The following MAGI2 variants were observed in gnomAD, a reference collection of about 807,000 sequenced individuals.
The protein encoded by MAGI2 is membrane associated guanylate kinase, WW and PDZ domain containing 2.
In MAGI2, 35 loss-of-function variants were observed where a neutral mutation model predicts 133.3. The observed-to-expected ratio is 0.26, with a 90% CI of 0.20 to 0.35. MAGI2 has a LOEUF of 0.35. Among genes scored for constraint, MAGI2 ranks in the 10% least tolerant of loss-of-function variants. The pLI, the probability that MAGI2 is intolerant of heterozygous loss-of-function variation, is 1.00. For synonymous variants in MAGI2, 729 were observed against 710.6 expected (o/e 1.03, Z -0.41); for missense variants, 1,636 against 1,863.4 (o/e 0.88, Z 2.25).
intron 5 of MAGI2, among the ~76,000 whole-genome samples, chr7:78,492,463 C>A (rs1381640076): frequency 6.6e-6 from 1 of 152,070 alleles, no homozygotes; most frequent in Non-Finnish European, 1.5e-5. Flanking sequence ...TTTGCATGCT[C>A]CTCCAAGATT....
chr7:78,608,288 C>G (rs1476203139), intron 3 of MAGI2, among the ~76,000 whole-genome samples: 2 of 152,134 alleles, frequency 1.3e-5, no homozygotes, highest in African/African-American at 4.8e-5. Flanking sequence ...TCCCCATTCA[C>G]ACTCTTCTAC....
At chr7:79,399,817 A>T (rs1426335389) in intron 1 of MAGI2, among the ~76,000 whole-genome samples, 2 of 152,186 alleles carry the variant, frequency 1.3e-5, no homozygotes, top group African/African-American at 2.4e-5. Flanking sequence ...CCTTAAAAAG[A>T]TCCTAGGTAA....
intron 3 of MAGI2, among the ~76,000 whole-genome samples, chr7:78,522,534 C>T (rs1210018144): frequency 1.3e-5 from 2 of 152,008 alleles, no homozygotes; most frequent in African/African-American, 2.4e-5. Context: ...CGTGCGCCAC[C>T]AGTTCTGGCT....
intron 9 of MAGI2, among the ~76,000 whole-genome samples, chr7:78,335,882 G>A (rs1789711942): frequency 6.6e-6 from 1 of 152,180 alleles, no homozygotes; most frequent in Non-Finnish European, 1.5e-5. Context: ...CAAAAACTAT[G>A]CAAATTTCAC....
chr7:78,903,278 C>G (rs929087111), intron 2 of MAGI2, among the ~76,000 whole-genome samples: 20 of 142,016 alleles, frequency 1.4e-4, no homozygotes, highest in Non-Finnish European at 2.6e-4. Flanking sequence ...ACCGCAAGCT[C>G]CGCCTCCCGG....
chr7:78,709,640 G>C (rs1356652111), intron 2 of MAGI2, among the ~76,000 whole-genome samples: 2 of 152,182 alleles, frequency 1.3e-5, no homozygotes, highest in African/African-American at 2.4e-5. Flanking sequence ...AGTCCTCAAT[G>C]AGTTTCTTAG....
At chr7:79,144,096 T>C (rs555921438) in intron 1 of MAGI2, among the ~76,000 whole-genome samples, 2 of 152,360 alleles carry the variant, frequency 1.3e-5, no homozygotes, top group South Asian at 4.1e-4. Flanking sequence ...ACAATCATTG[T>C]ACTTACCTCA....
chr7:79,032,519 G>GAAAAAAAA (rs34049134), intron 1 of MAGI2, among the ~76,000 whole-genome samples: 2 of 118,214 alleles, frequency 1.7e-5, no homozygotes, highest in Non-Finnish European at 1.8e-5. Context: ...CTCTGACTCA[G>GAAAAAAAA]AAAAAAAAAA....
chr7:79,162,311 A>T (rs551802957), intron 1 of MAGI2, among the ~76,000 whole-genome samples: 13 of 152,182 alleles, frequency 8.5e-5, no homozygotes, highest in African/African-American at 2.9e-4. Flanking sequence ...AACCAAAATC[A>T]TGGTGTTCTG....
intron 2 of MAGI2, among the ~76,000 whole-genome samples, chr7:78,969,976 TGCATAGCCTGGAATTGGTA>T (rs375351688): frequency 0.023 from 3,559 of 152,126 alleles, 54 homozygotes; most frequent in Middle Eastern, 0.034. Context: ...TGCCCAAGGT[TGCATAGCCTGGAATTGGTA>T]GCACCACAGC....
chr7:79,236,640 A>G (rs898534192), intron 1 of MAGI2, among the ~76,000 whole-genome samples: 1 of 152,246 alleles, frequency 6.6e-6, no homozygotes, highest in African/African-American at 2.4e-5. Context: ...CTATCGAACT[A>G]GATGGACTCT....
chr7:78,808,883 C>T (rs1477614113), intron 2 of MAGI2, among the ~76,000 whole-genome samples: 1 of 152,084 alleles, frequency 6.6e-6, no homozygotes. Context: ...GCTACATGAC[C>T]CTAACTTTTA....
intron 9 of MAGI2, among the ~76,000 whole-genome samples, chr7:78,307,202 G>T (rs182227726): frequency 4.7e-4 from 71 of 152,088 alleles, no homozygotes; most frequent in Middle Eastern, 3.4e-3. Flanking sequence ...TAATACAAAA[G>T]GTAATTTTAT....
intron 20 of MAGI2, among the ~76,000 whole-genome samples, chr7:78,098,795 A>G (rs1455062154): frequency 1.3e-5 from 2 of 152,146 alleles, no homozygotes; most frequent in Non-Finnish European, 2.9e-5. Context: ...ACTTTTGCCA[A>G]TTTGATGGAT....
At chr7:79,307,174 A>C (rs919989238) in intron 1 of MAGI2, among the ~76,000 whole-genome samples, 3 of 152,132 alleles carry the variant, frequency 2.0e-5, no homozygotes, top group African/African-American at 7.2e-5. Flanking sequence ...GGAGTTAGTG[A>C]CAAGTGTGGT....
chr7:78,733,510 A>C (rs1464987216), intron 2 of MAGI2, among the ~76,000 whole-genome samples: 3 of 152,258 alleles, frequency 2.0e-5, no homozygotes, highest in Non-Finnish European at 4.4e-5. Flanking sequence ...ATATTGTAAT[A>C]GAATCATTCT....
intron 2 of MAGI2, among the ~76,000 whole-genome samples, chr7:78,834,651 A>G (rs1022446748): frequency 6.6e-5 from 10 of 152,156 alleles, no homozygotes; most frequent in African/African-American, 2.4e-4. Flanking sequence ...CACATGCATA[A>G]AAGCTTTATG....
intron 7 of MAGI2, among the ~76,000 whole-genome samples, chr7:78,352,665 T>G (rs1174490827): frequency 6.6e-6 from 1 of 152,200 alleles, no homozygotes; most frequent in East Asian, 1.9e-4. Flanking sequence ...GGTGGAATCA[T>G]GGCCAACTGA....
At chr7:78,455,044 C>G (rs1346035424) in intron 6 of MAGI2, among the ~76,000 whole-genome samples, 1 of 152,050 alleles carries the variant, frequency 6.6e-6, no homozygotes, top group Non-Finnish European at 1.5e-5. Context: ...AAACAGGGAA[C>G]CCGAAAGTAA....
Sources: allele counts gnomAD v4.1 joint callset (sites outside exome capture counted in the v4.1 genomes callset), GRCh38; gene constraint gnomAD v4.1.1; transcripts MANE v1.5; gene names NCBI Gene and HGNC (gene_info 2026-07-23, HGNC 2026-07-21).